CHCHD3: variants seen among roughly 807,000 people sequenced by gnomAD.
CHCHD3 encodes coiled-coil-helix-coiled-coil-helix domain containing 3.
Under a neutral mutation model 38.2 loss-of-function variants are expected in CHCHD3, and 20 were observed. The observed-to-expected ratio is 0.52, with a 90% CI of 0.37 to 0.76. The LOEUF is 0.76. Among genes scored for constraint, CHCHD3 ranks in the 30% least tolerant of loss-of-function variants. CHCHD3 has a pLI of 0.00. For synonymous variants in CHCHD3, 82 were observed against 100.0 expected, an observed-to-expected ratio of 0.82 and a Z score of 1.07; for missense variants, 245 against 279.2, an observed-to-expected ratio of 0.88 and a Z score of 0.87.
At chr7:132,792,139 C>T (rs556792061) in intron 7 of CHCHD3, among the ~76,000 whole-genome samples, 1 of 152,282 alleles carries the variant, frequency 6.6e-6, no homozygotes, top group African/African-American at 2.4e-5. Flanking sequence ...CCTCTGGTCC[C>T]AGTTTGCCCT....
At chr7:132,852,564 A>G (rs1360678535) in intron 5 of CHCHD3, among the ~76,000 whole-genome samples, 1 of 152,242 alleles carries the variant, frequency 6.6e-6, no homozygotes, top group African/African-American at 2.4e-5. Flanking sequence ...AAAGAATCAG[A>G]AGACCTTGAA....
At chr7:132,972,506 A>G (rs1459306972) in intron 4 of CHCHD3, 1 of 843,968 alleles carries the variant, frequency 1.2e-6, no homozygotes, top group East Asian at 1.2e-4. Flanking sequence ...ATCCCTTTGT[A>G]TTTATTTTCT....
intron 5 of CHCHD3, among the ~76,000 whole-genome samples, chr7:132,868,237 G>A (rs73162606): frequency 6.6e-6 from 1 of 152,164 alleles, no homozygotes; most frequent in East Asian, 1.9e-4. Context: ...AAGCTGACGG[G>A]AAGTTGTGGG....
At chr7:132,888,079 A>G (rs1809260695) in intron 4 of CHCHD3, among the ~76,000 whole-genome samples, 1 of 151,842 alleles carries the variant, frequency 6.6e-6, no homozygotes, top group Non-Finnish European at 1.5e-5. Flanking sequence ...ATACCACTTA[A>G]AAAAGAAAAA....
intron 4 of CHCHD3, among the ~76,000 whole-genome samples, chr7:132,963,322 ATTTTTT>A (rs1005146883): frequency 8.0e-5 from 7 of 87,572 alleles, no homozygotes; most frequent in Admixed American, 4.2e-4. Flanking sequence ...TAAAATTGTA[ATTTTTT>A]TTTTTTTTTT....
intron 3 of CHCHD3, among the ~76,000 whole-genome samples, chr7:133,011,126 C>G (rs1812858784): frequency 6.6e-6 from 1 of 152,074 alleles, no homozygotes; most frequent in Non-Finnish European, 1.5e-5. Flanking sequence ...ACAGGTTTGG[C>G]AGCCGATGTG....
chr7:132,802,353 A>T (rs1806815049), intron 6 of CHCHD3, among the ~76,000 whole-genome samples: 1 of 152,064 alleles, frequency 6.6e-6, no homozygotes, highest in Admixed American at 6.6e-5. Flanking sequence ...CTCAAGCCAC[A>T]GCTCTCATTC....
At chr7:133,024,727 A>C in intron 2 of CHCHD3, 100 bp from the exon 3 acceptor site, 2 of 909,294 alleles carry the variant, frequency 2.2e-6, no homozygotes, top group Non-Finnish European at 3.6e-6. Context: ...AGATTTGAAC[A>C]GGCAAAGTTC....
intron 5 of CHCHD3, among the ~76,000 whole-genome samples, chr7:132,868,013 T>TA (rs1262611555): frequency 6.6e-6 from 1 of 152,128 alleles, no homozygotes; most frequent in East Asian, 1.9e-4. Context: ...CATACTCCAA[T>TA]AAAAAAGACG....
intron 2 of CHCHD3, among the ~76,000 whole-genome samples, chr7:133,050,375 A>T (rs34439224): frequency 7.4e-6 from 1 of 135,428 alleles, no homozygotes; most frequent in East Asian, 2.2e-4. Context: ...AAAAAAAAAA[A>T]TGCAGAATGA....
intron 4 of CHCHD3, among the ~76,000 whole-genome samples, chr7:132,960,445 G>A (rs1811288821): frequency 6.6e-6 from 1 of 152,142 alleles, no homozygotes; most frequent in Non-Finnish European, 1.5e-5. Context: ...CTCCAGGGTT[G>A]AAACTGAGCC....
chr7:132,813,956 T>C (rs1342300790), intron 6 of CHCHD3, among the ~76,000 whole-genome samples: 1 of 152,198 alleles, frequency 6.6e-6, no homozygotes, highest in East Asian at 1.9e-4. Flanking sequence ...TATGAATAAA[T>C]GGAATTGTAT....
chr7:133,002,274 C>T (rs1284826222), intron 3 of CHCHD3, among the ~76,000 whole-genome samples: 2 of 152,178 alleles, frequency 1.3e-5, no homozygotes, highest in Non-Finnish European at 2.9e-5. Flanking sequence ...ATTTGAAAAA[C>T]ATGCTTATCT....
intron 4 of CHCHD3, among the ~76,000 whole-genome samples, chr7:132,898,898 G>C (rs1422374353): frequency 6.6e-6 from 1 of 152,196 alleles, no homozygotes; most frequent in South Asian, 2.1e-4. Flanking sequence ...CGGCTGCTCC[G>C]AGTGCAGGGC....
At chr7:132,975,389 G>T in intron 3 of CHCHD3, 103 bp from the exon 4 acceptor site, 1 of 944,072 alleles carries the variant, frequency 1.1e-6, no homozygotes, top group Non-Finnish European at 1.6e-6. Context: ...TAGCCAAAAA[G>T]GTCAACAGCT....
intron 7 of CHCHD3, among the ~76,000 whole-genome samples, chr7:132,794,180 C>G (rs952974744): frequency 2.6e-5 from 4 of 152,244 alleles, no homozygotes; most frequent in Non-Finnish European, 5.9e-5. Context: ...CTCCCTTTAT[C>G]GCTTTCGCTC....
chr7:132,786,260 T>C (rs1037857555), intron 7 of CHCHD3, among the ~76,000 whole-genome samples: 2 of 152,290 alleles, frequency 1.3e-5, no homozygotes, highest in South Asian at 2.1e-4. Context: ...GGGAAAGCTA[T>C]GGCCAAGGCA....
chr7:132,921,052 C>T (rs1033647366), intron 4 of CHCHD3, among the ~76,000 whole-genome samples: 2 of 152,114 alleles, frequency 1.3e-5, no homozygotes, highest in South Asian at 2.1e-4. Context: ...AGCTATCATG[C>T]CCCATTTCCT....
intron 2 of CHCHD3, among the ~76,000 whole-genome samples, chr7:133,057,144 T>G (rs1178329910): frequency 1.3e-5 from 2 of 152,190 alleles, no homozygotes; most frequent in East Asian, 1.9e-4. Flanking sequence ...GTTACACCTA[T>G]TGAGGCACAT....
Sources: gnomAD v4.1 joint callset for allele counts (sites outside exome capture counted in the v4.1 genomes callset) on GRCh38, gnomAD v4.1.1 for gene constraint, MANE v1.5 for transcripts, NCBI Gene and HGNC (gene_info 2026-07-23, HGNC 2026-07-21) for gene names.